Variants in EYA1 observed in about 807,000 individuals in gnomAD.
EYA1 encodes the protein EYA transcriptional coactivator and phosphatase 1.
Under a neutral mutation model 82.0 loss-of-function variants are expected in EYA1, and 16 were observed. The observed-to-expected ratio is 0.20, with a 90% CI of 0.13 to 0.30. EYA1 has a LOEUF of 0.30. Ranked by LOEUF, EYA1 falls within the 10% of genes least tolerant of loss-of-function variation. EYA1 has a pLI of 1.00. For synonymous variants in EYA1, 261 were observed against 264.4 expected (o/e 0.99, Z 0.12); for missense variants, 633 against 730.7 (o/e 0.87, Z 1.54).
intron 2 of EYA1, among the ~76,000 whole-genome samples, chr8:71,377,256 G>A (rs545211111): frequency 9.2e-5 from 14 of 152,104 alleles, no homozygotes; most frequent in Non-Finnish European, 1.8e-4. Context: ...AAGAGAAGTC[G>A]CAGCCTACCA....
intron 9 of EYA1, among the ~76,000 whole-genome samples, chr8:71,279,935 T>C (rs147331942): frequency 4.3e-4 from 66 of 152,328 alleles, no homozygotes; most frequent in African/African-American, 1.5e-3. Context: ...ATTTTAGGCT[T>C]TCTGGGCCAC....
At chr8:71,215,547 A>T in intron 15 of EYA1, 39 bp from the exon 16 acceptor site, 1 of 1,612,386 alleles carries the variant, frequency 6.2e-7, no homozygotes, top group East Asian at 2.2e-5. Flanking sequence ...GTTGAAAAAT[A>T]AATCTCCAAA....
At chr8:71,292,917 G>A (rs1191916982) in intron 9 of EYA1, among the ~76,000 whole-genome samples, 1 of 151,640 alleles carries the variant, frequency 6.6e-6, no homozygotes, top group Non-Finnish European at 1.5e-5. Flanking sequence ...TAACTCAAAA[G>A]CAATCAGAAA....
At position 71,346,446 on chromosome 8, in the gene EYA1, A is replaced by ATC. The variant is rs1047351044; in HGVS notation, c.124+8335_124+8336insGA. On this transcript the variant is annotated intron_variant, in intron 3 of 17. Coordinates refer to ENST00000340726, the MANE Select transcript of EYA1 (RefSeq NM_000503.6). ...TACTGCAGTGAATATATATATATAT[A>ATC]TATATATATCTATATATATCCTTCT... 1.4e-4 allele frequency among the ~76,000 whole-genome samples: 19 copies of ATC among 135,756 alleles called. 1 individual carries two copies. The highest frequency in any genetic ancestry group is 4.2e-4 in the African/African-American group (14 of 32,972). 89.1% of individuals were successfully genotyped at this position (135,756 alleles called of 152,430 possible).
intron 12 of EYA1, among the ~76,000 whole-genome samples, chr8:71,224,415 T>G (rs1483432636): frequency 6.6e-6 from 1 of 152,236 alleles, no homozygotes; most frequent in East Asian, 1.9e-4. Flanking sequence ...TGAGACCAGC[T>G]GGAGCTGGCC....
intron 4 of EYA1, among the ~76,000 whole-genome samples, chr8:71,322,918 T>G (rs1214763091): frequency 6.7e-6 from 1 of 150,280 alleles, no homozygotes; most frequent in Non-Finnish European, 1.5e-5. Flanking sequence ...TCAACTTCAA[T>G]GTTCAACTAA....
At chr8:71,447,172 A>G (rs577268244) in intron 2 of EYA1, among the ~76,000 whole-genome samples, 16 of 151,848 alleles carry the variant, frequency 1.1e-4, no homozygotes, top group Admixed American at 2.0e-4. Context: ...TTTATCTTTT[A>G]TCACTCACCC....
intron 2 of EYA1, among the ~76,000 whole-genome samples, chr8:71,460,635 A>T (rs1045837694): frequency 6.6e-6 from 1 of 152,214 alleles, no homozygotes; most frequent in Admixed American, 6.5e-5. Context: ...CACAATGCGA[A>T]GACAGGACTT....
intron 9 of EYA1, among the ~76,000 whole-genome samples, chr8:71,286,333 C>T (rs760822535): frequency 1.3e-5 from 2 of 152,198 alleles, no homozygotes; most frequent in Non-Finnish European, 2.9e-5. Context: ...TCACAAGATT[C>T]TTTCTTCTAA....
At chr8:71,391,905 A>G (rs1027236856) in intron 2 of EYA1, among the ~76,000 whole-genome samples, 6 of 152,148 alleles carry the variant, frequency 3.9e-5, no homozygotes, top group East Asian at 1.9e-4. Context: ...TCCTTCCCCA[A>G]CTTTCTCCTT....
intron 2 of EYA1, among the ~76,000 whole-genome samples, chr8:71,382,824 G>A (rs938432320): frequency 1.3e-5 from 2 of 151,914 alleles, no homozygotes; most frequent in East Asian, 1.9e-4. Context: ...AAATCATATC[G>A]ATTTCTAGGT....
At chr8:71,346,796 A>C (rs1184417374) in intron 3 of EYA1, among the ~76,000 whole-genome samples, 3 of 152,196 alleles carry the variant, frequency 2.0e-5, no homozygotes, top group African/African-American at 7.2e-5. Flanking sequence ...AATTTCAAAA[A>C]TTTGAAAAAC....
rs572633196 is a variant in EYA1, at chr8:71,439,436, A to T, written c.34-82925T>A. Among the ~76,000 whole-genome samples, 233 of 152,324 alleles carry T rather than the reference A, an allele frequency of 1.5e-3. 1 individual carries two copies. Among genetic ancestry groups the T allele is most frequent in the African/African-American group, 5.3e-3 (222 of 41,576 alleles). On this transcript the variant is annotated intron_variant, in intron 2 of 18. Transcript: ENST00000643681. The stretch of plus-strand genomic sequence containing the variant: ...AGTTCTAACCTGGGGTTTGACAGTT[A>T]TGTACTAGTTGGGATGTTGTGCAAC...
intron 11 of EYA1, among the ~76,000 whole-genome samples, chr8:71,245,535 A>ATT (rs71264548): frequency 6.9e-6 from 1 of 145,702 alleles, no homozygotes; most frequent in Non-Finnish European, 1.5e-5. Context: ...CTAAGTGATG[A>ATT]TTTTTTTTTT....
intron 9 of EYA1, among the ~76,000 whole-genome samples, chr8:71,274,223 C>A (rs1258693678): frequency 6.6e-6 from 1 of 152,166 alleles, no homozygotes; most frequent in Non-Finnish European, 1.5e-5. Flanking sequence ...AATACACCCA[C>A]ACCCGTACCT....
At chr8:71,480,426 T>C (rs1810046071) in intron 2 of EYA1, among the ~76,000 whole-genome samples, 1 of 152,342 alleles carries the variant, frequency 6.6e-6, no homozygotes, top group Non-Finnish European at 1.5e-5. Context: ...AAGCAGATGC[T>C]GTTTTCTATC....
intron 2 of EYA1, among the ~76,000 whole-genome samples, chr8:71,424,120 T>C (rs1831292371): frequency 6.6e-6 from 1 of 152,244 alleles, no homozygotes; most frequent in African/African-American, 2.4e-5. Flanking sequence ...ATTCACCGTC[T>C]GTCACAGGTG....
chr8:71,458,387 A>AT (rs370744569), intron 2 of EYA1, among the ~76,000 whole-genome samples: 102 of 149,760 alleles, frequency 6.8e-4, no homozygotes, highest in Admixed American at 1.7e-3. Flanking sequence ...GTGTATGTAG[A>AT]TTTTTTTTTT....
chr8:71,320,821 C>A (rs1271453307), intron 6 of EYA1, among the ~76,000 whole-genome samples: 1 of 151,772 alleles, frequency 6.6e-6, no homozygotes, highest in South Asian at 2.1e-4. Flanking sequence ...AAGAATACTA[C>A]AAAACAGTAT....
Sources: gnomAD v4.1 joint callset for allele counts (sites outside exome capture counted in the v4.1 genomes callset) on GRCh38, gnomAD v4.1.1 for gene constraint, MANE v1.5 for transcripts, NCBI Gene and HGNC (gene_info 2026-07-23, HGNC 2026-07-21) for gene names.